The following LRRC47 variants were observed in gnomAD, a reference collection of about 807,000 sequenced individuals.
The protein encoded by LRRC47 is leucine rich repeat containing 47.
Under a neutral mutation model 40.9 loss-of-function variants are expected in LRRC47, and 31 were observed. That is an observed-to-expected ratio of 0.76 (90% CI 0.57 to 1.02). LRRC47 has a LOEUF of 1.02. Among genes scored for constraint, LRRC47 ranks in the 50% least tolerant of loss-of-function variants. The pLI, the probability that LRRC47 is intolerant of heterozygous loss-of-function variation, is 0.00. For synonymous variants in LRRC47, 427 were observed against 371.9 expected, an observed-to-expected ratio of 1.15 and a Z score of -1.70; for missense variants, 726 against 796.1, an observed-to-expected ratio of 0.91 and a Z score of 1.06.
At chr1:3,786,808 A>G in intron 2 of LRRC47, 41 bp downstream of exon 2, 1 of 1,513,672 alleles carries the variant, frequency 6.6e-7, no homozygotes, top group Non-Finnish European at 8.9e-7. Flanking sequence ...GGCGTCTCAC[A>G]CCTCTGTCCC....
At position 3,787,143 on chromosome 1, in the gene LRRC47, T is replaced by A; in HGVS notation, c.783A>T (p.Gly261=). Residue 261 remains glycine, a synonymous_variant, in exon 2 of 7, where the codon GGA becomes GGT. Transcript: ENST00000378251. ...CCTTGCCCTTCCCGCCACCACGGCC[T>A]CCGACGCGCAGGTACTCCAGGATGG... ...TRSILEYLRV[G]GRGGGKGKGR... is the part of the protein sequence containing the mutation. The A allele has an allele frequency of 6.2e-7, 1 of 1,613,754 alleles. No homozygotes were observed. The highest frequency in any genetic ancestry group is 8.5e-7 in the Non-Finnish European group (1 of 1,180,008).
intron 4 of LRRC47, chr1:3,783,746 C>A (rs928218338): frequency 4.7e-5 from 24 of 509,724 alleles, no homozygotes; most frequent in African/African-American, 4.2e-4. Flanking sequence ...GAGGGCCACC[C>A]GCCCCCTGTG....
At chr1:3,793,477 G>A (rs1235395498) in intron 1 of LRRC47, among the ~76,000 whole-genome samples, 11 of 152,134 alleles carry the variant, frequency 7.2e-5, no homozygotes, top group Non-Finnish European at 1.0e-4. Flanking sequence ...TACTCCTTCC[G>A]TAAAACTCAA....
At chr1:3,784,418 A>G (rs1365963293) in intron 3 of LRRC47, among the ~76,000 whole-genome samples, 2 of 152,208 alleles carry the variant, frequency 1.3e-5, no homozygotes, top group African/African-American at 2.4e-5. Context: ...AGAGGAGAGA[A>G]AGGCTGAGCA....
intron 1 of LRRC47, among the ~76,000 whole-genome samples, chr1:3,793,887 T>G (rs977023908): frequency 6.6e-6 from 1 of 152,032 alleles, no homozygotes; most frequent in Non-Finnish European, 1.5e-5. Context: ...TCCAAATTTT[T>G]GGGGAAGCTG....
intron 1 of LRRC47, among the ~76,000 whole-genome samples, chr1:3,789,803 C>G (rs112989329): frequency 1.3e-5 from 2 of 152,216 alleles, no homozygotes; most frequent in African/African-American, 4.8e-5. Context: ...GCCCTGCTGA[C>G]GAGGTCGCAC....
intron 4 of LRRC47, chr1:3,783,074 T>C: frequency 3.7e-6 from 1 of 268,618 alleles, no homozygotes; most frequent in East Asian, 6.7e-5. Flanking sequence ...ATTAGCCACC[T>C]CACTCCAGCC....
At chr1:3,788,481 T>A (rs568996922) in intron 1 of LRRC47, among the ~76,000 whole-genome samples, 8 of 151,954 alleles carry the variant, frequency 5.3e-5, no homozygotes, top group Non-Finnish European at 1.2e-4. Context: ...AGGAGACAGG[T>A]AGGGCTGGAC....
chr1:3,782,683 A>T lies in LRRC47; in HGVS notation c.1391T>A (p.Ile464Lys). The T allele has an allele frequency of 6.2e-7, 1 of 1,607,812 alleles. No individual in the cohort carries two copies. Among genetic ancestry groups the T allele is most frequent in the Non-Finnish European group, 8.5e-7 (1 of 1,174,176 alleles). Residue 464 changes from isoleucine (I) to lysine (K), a missense_variant, in exon 5 of 7, where the codon ATA becomes AAA. Ile to Lys is a moderately radical substitution (Grantham distance 102). Coordinates refer to ENST00000378251, the MANE Select transcript of LRRC47 (RefSeq NM_020710.3). ...TACCTTTGTCTTCTCACTGTTGGTT[A>T]TTGGTGGGAAGGAAATCACATCACC... is the stretch of plus-strand genomic sequence containing the variant. ...ADGDVISFPP[I>K]TNSEKTKVKK...
chr1:3,796,444 C>T lies in LRRC47; in HGVS notation c.33G>A (p.Pro11=), dbSNP rs1643677473. The T allele has an allele frequency of 6.6e-7, 1 of 1,523,088 alleles. No homozygotes were observed. The allele number at this position is 1,523,088 out of a possible 1,614,324, so 94.3% of individuals were successfully genotyped here. The change falls in exon 1 of 7, where the codon CCG becomes CCA. Residue 11 remains proline (P), a synonymous_variant. Transcript: ENST00000378251. ...GCTCGCGCTCAGCCAGCTCCAGCTC[C>T]GGCCAAGACTCTGACACCGCTGCCG... MAAAAVSESW[P]ELELAERERR... is the part of the protein sequence containing the mutation.
At chr1:3,782,220 C>CT (rs146141267) in intron 5 of LRRC47, among the ~76,000 whole-genome samples, 127 of 147,170 alleles carry the variant, frequency 8.6e-4, no homozygotes, top group South Asian at 1.7e-3. Context: ...TCTTCCTCTT[C>CT]TTTTTTTTTT....
chr1:3,795,011 G>C (rs549768814), intron 1 of LRRC47, among the ~76,000 whole-genome samples: 6 of 134,470 alleles, frequency 4.5e-5, no homozygotes, highest in Non-Finnish European at 6.0e-5. Flanking sequence ...CCGAGATCGC[G>C]CCACTGCACT....
chr1:3,794,382 C>A (rs1269488571), intron 1 of LRRC47, among the ~76,000 whole-genome samples: 1 of 151,914 alleles, frequency 6.6e-6, no homozygotes, highest in Non-Finnish European at 1.5e-5. Context: ...GTTTTTTTTG[C>A]CACAGGGTCT....
At chr1:3,783,923 A>G in intron 4 of LRRC47, 73 bp downstream of exon 4, 2 of 1,282,976 alleles carry the variant, frequency 1.6e-6, no homozygotes, top group South Asian at 1.3e-5. Context: ...TGAGGAGCAC[A>G]GACTAACTCA....
rs3831901 is a variant in LRRC47, at chr1:3,780,199, C to CAG, written c.*887_*888dup. The CAG allele has an allele frequency of 0.11, 16,780 of 152,172 alleles. 995 individuals carry two copies. The highest frequency in any genetic ancestry group is 0.14 in the African/African-American group (5,820 of 41,516). 9.4% of individuals were successfully genotyped at this position (152,172 alleles called of 1,614,324 possible). A position where few individuals can be genotyped will look rare whatever the true frequency, so the allele number is the denominator to read the frequency against. ...GTGCTTAGCCGCTGCTGTGTGATCA[C>CAG]AGAGTCTTTACACAAGCCTCGATGG... On this transcript the variant is annotated 3_prime_UTR_variant, in exon 7 of 7. Coordinates refer to ENST00000378251, the MANE Select transcript of LRRC47 (RefSeq NM_020710.3).
intron 1 of LRRC47, among the ~76,000 whole-genome samples, chr1:3,787,672 G>T: frequency 6.6e-6 from 1 of 152,206 alleles, no homozygotes; most frequent in East Asian, 1.9e-4. Flanking sequence ...GGATGTCTGG[G>T]TGTGAAACGT....
chr1:3,784,285 C>T (rs1643549705), intron 3 of LRRC47, 174 bp from the exon 4 acceptor site: 3 of 608,718 alleles, frequency 4.9e-6, no homozygotes, highest in East Asian at 2.8e-5. Context: ...ATGTGGGCTG[C>T]CACTGCAGCG....
chr1:3,794,160 A>G (rs1643652578), intron 1 of LRRC47, among the ~76,000 whole-genome samples: 1 of 152,156 alleles, frequency 6.6e-6, no homozygotes, highest in Non-Finnish European at 1.5e-5. Flanking sequence ...GCACCACTGC[A>G]CACCAGCCTG....
chr1:3,783,013 A>G (rs912570903), intron 4 of LRRC47: 1 of 526,678 alleles, frequency 1.9e-6, no homozygotes, highest in Non-Finnish European at 3.4e-6. Context: ...GGTCAGAAAC[A>G]GAGCAGGACA....
Sources: allele counts gnomAD v4.1 joint callset (sites outside exome capture counted in the v4.1 genomes callset), GRCh38; gene constraint gnomAD v4.1.1; transcripts MANE v1.5; gene names NCBI Gene and HGNC (gene_info 2026-07-23, HGNC 2026-07-21).